Variants in HTATIP2 observed in about 807,000 individuals in gnomAD.
The protein encoded by HTATIP2 is protein HTATIP2.
In HTATIP2, 26 loss-of-function variants were observed where a neutral mutation model predicts 24.7. The ratio of observed to expected loss-of-function variants is 1.05; its 90% confidence interval spans 0.77 to 1.46. The LOEUF (loss-of-function observed/expected upper bound fraction) is 1.46. Among genes scored for constraint, HTATIP2 ranks in the 40% most tolerant of loss-of-function variants. The pLI, the probability that HTATIP2 is intolerant of heterozygous loss-of-function variation, is 0.00. For synonymous variants in HTATIP2, 99 were observed against 113.2 expected (o/e 0.87, Z 0.79); for missense variants, 284 against 289.6 (o/e 0.98, Z 0.14).
At chr11:20,375,387 C>T (rs959410213) in intron 2 of HTATIP2, among the ~76,000 whole-genome samples, 1 of 152,246 alleles carries the variant, frequency 6.6e-6, no homozygotes, top group South Asian at 2.1e-4. Flanking sequence ...GCCTCGCTAA[C>T]GTGGTGAAAC....
chr11:20,370,750 C>T (rs1031182935), intron 2 of HTATIP2, among the ~76,000 whole-genome samples: 2 of 152,062 alleles, frequency 1.3e-5, no homozygotes, highest in Admixed American at 6.6e-5. Flanking sequence ...CCTGGGTTCA[C>T]GCCATTCTCC....
At chr11:20,365,586 T>C (rs981016037) in intron 1 of HTATIP2, among the ~76,000 whole-genome samples, 1 of 152,230 alleles carries the variant, frequency 6.6e-6, no homozygotes, top group Non-Finnish European at 1.5e-5. Flanking sequence ...CATCAAGTCT[T>C]GTTTATTTAA....
chr11:20,365,215 T>A (rs10437583), intron 1 of HTATIP2, among the ~76,000 whole-genome samples: 76,499 of 151,970 alleles, frequency 0.5, 19,535 homozygotes, highest in Middle Eastern at 0.59. Flanking sequence ...TCTCGAACTC[T>A]TGACCTCAGA....
In HTATIP2 at chr11:20,369,396, G is replaced by A. The variant is rs1014647639; in HGVS notation, c.303+2115G>A. ...GCAGAGAAACTTCAAGAAATTCAGC[G>A]TTTTTGTCTCAGTATTGAGATCCTC... On this transcript the variant is annotated intron_variant, in intron 2 of 4. Coordinates refer to ENST00000451739, the MANE Select transcript of HTATIP2 (RefSeq NM_001098522.2). Among the ~76,000 whole-genome samples, 7 of 152,296 alleles carry A rather than the reference G, an allele frequency of 4.6e-5. No homozygotes were observed. In the East Asian group the frequency reaches 1.2e-3, roughly 25 times the overall value.
In HTATIP2 at chr11:20,382,238, G is replaced by A. The variant is rs749561210; in HGVS notation, c.502G>A (p.Gly168Arg). The change falls in exon 4 of 5, where the codon GGA (glycine) becomes AGA (arginine). Residue 168 changes from glycine (G) to arginine (R), a missense_variant and splice_region_variant. Coordinates refer to ENST00000451739, the MANE Select transcript of HTATIP2 (RefSeq NM_001098522.2). ...TGATCGTTACTCTGTATTTAGGCCT[G>A]GGTAAGTATAATATTTATACTGAAT... ...KFDRYSVFRP[G>R]VLLCDRQESR... The A allele has an allele frequency of 7.8e-6, 12 of 1,546,572 alleles. No individual in the cohort carries two copies. Among genetic ancestry groups the A allele is most frequent in the Admixed American group, 1.7e-5 (1 of 59,860 alleles).
chr11:20,381,181 G>A (rs1303402533), intron 3 of HTATIP2, among the ~76,000 whole-genome samples: 7 of 152,154 alleles, frequency 4.6e-5, no homozygotes, highest in Non-Finnish European at 8.8e-5. Flanking sequence ...GCTCTCGCCT[G>A]TAATCCCAGC....
intron 3 of HTATIP2, among the ~76,000 whole-genome samples, chr11:20,378,565 A>G (rs915029621): frequency 3.9e-5 from 6 of 152,250 alleles, no homozygotes; most frequent in Non-Finnish European, 5.9e-5. Flanking sequence ...CTTTTAGGAA[A>G]GAAAATATAC....
intron 2 of HTATIP2, among the ~76,000 whole-genome samples, chr11:20,372,970 G>A (rs745362176): frequency 1.8e-4 from 28 of 152,166 alleles, no homozygotes; most frequent in Non-Finnish European, 3.1e-4. Flanking sequence ...AAAAGGCCAC[G>A]CCATCAGGGT....
At chr11:20,366,461 A>G (rs1033733486) in intron 1 of HTATIP2, among the ~76,000 whole-genome samples, 1 of 152,144 alleles carries the variant, frequency 6.6e-6, no homozygotes, top group Non-Finnish European at 1.5e-5. Flanking sequence ...GATGGAAACC[A>G]ACATTTTATC....
chr11:20,372,254 T>C (rs1220158418), intron 2 of HTATIP2, among the ~76,000 whole-genome samples: 1 of 152,220 alleles, frequency 6.6e-6, no homozygotes, highest in East Asian at 1.9e-4. Context: ...CATGACCTTC[T>C]TGAGTCGTTT....
intron 2 of HTATIP2, among the ~76,000 whole-genome samples, chr11:20,375,189 C>A (rs138003655): frequency 1.3e-5 from 2 of 151,972 alleles, no homozygotes; most frequent in African/African-American, 4.8e-5. Context: ...TCCTAAGGTA[C>A]CTTCTAACAT....
At chr11:20,369,357 A>C (rs2064746731) in intron 2 of HTATIP2, among the ~76,000 whole-genome samples, 1 of 152,254 alleles carries the variant, frequency 6.6e-6, no homozygotes, top group Non-Finnish European at 1.5e-5. Flanking sequence ...TTGCCTTAGC[A>C]GTCTGTGTTT....
intron 3 of HTATIP2, among the ~76,000 whole-genome samples, chr11:20,379,448 TA>T (rs557338859): frequency 1.3e-5 from 2 of 152,228 alleles, no homozygotes; most frequent in Non-Finnish European, 2.9e-5. Context: ...GTAACATTCC[TA>T]GTATTTATTG....
intron 3 of HTATIP2, among the ~76,000 whole-genome samples, chr11:20,381,956 C>T (rs1233144635): frequency 6.6e-6 from 1 of 152,174 alleles, no homozygotes; most frequent in Non-Finnish European, 1.5e-5. Context: ...CAGCCATTCA[C>T]TCATTTAGTG....
At chr11:20,378,837 A>G (rs1848479870) in intron 3 of HTATIP2, among the ~76,000 whole-genome samples, 1 of 152,192 alleles carries the variant, frequency 6.6e-6, no homozygotes, top group African/African-American at 2.4e-5. Context: ...TGGGAGTTTG[A>G]AACCAGCCTG....
intron 2 of HTATIP2, among the ~76,000 whole-genome samples, chr11:20,374,041 CTAAGGTAGAAAAAG>C (rs1848404843): frequency 6.6e-6 from 1 of 152,054 alleles, no homozygotes; most frequent in Non-Finnish European, 1.5e-5. Flanking sequence ...TACCCACAAA[CTAAGGTAGAAAAAG>C]TAAGGCAGAA....
chr11:20,364,554 G>A, intron 1 of HTATIP2, 122 bp downstream of exon 1: 1 of 817,476 alleles, frequency 1.2e-6, no homozygotes. Context: ...ATCAAAACTT[G>A]GCCAAGATTG....
chr11:20,376,260 C>A, intron 2 of HTATIP2: 1 of 287,052 alleles, frequency 3.5e-6, no homozygotes. Flanking sequence ...AAAAAAAAGT[C>A]TGGCTTAAAA....
intron 3 of HTATIP2, among the ~76,000 whole-genome samples, chr11:20,381,670 T>C (rs1848523511): frequency 1.3e-5 from 2 of 152,024 alleles, no homozygotes; most frequent in African/African-American, 4.8e-5. Context: ...ATGCCTGCCA[T>C]GAAAATGCAT....
Sources: gnomAD v4.1 joint callset for allele counts (sites outside exome capture counted in the v4.1 genomes callset) on GRCh38, gnomAD v4.1.1 for gene constraint, MANE v1.5 for transcripts, NCBI Gene and HGNC (gene_info 2026-07-23, HGNC 2026-07-21) for gene names.